The following ZNF708 variants were observed in gnomAD, a reference collection of about 807,000 sequenced individuals.
ZNF708 encodes the protein ZNF15, ZNF15L1.
ZNF708 carries 44 observed loss-of-function variants against 47.0 expected under a neutral mutation model. The observed-to-expected ratio is 0.94, with a 90% CI of 0.74 to 1.20. The LOEUF is 1.20. ZNF708 is among the 50% of genes most tolerant of loss of function. The pLI is 0.00. For missense variants in ZNF708, 557 were observed against 656.0 expected, an observed-to-expected ratio of 0.85 and a Z score of 1.65; for synonymous variants, 184 against 218.5, an observed-to-expected ratio of 0.84 and a Z score of 1.39.
At chr19:21,302,979 T>C (rs868538568) in intron 3 of ZNF708, among the ~76,000 whole-genome samples, 1 of 151,994 alleles carries the variant, frequency 6.6e-6, no homozygotes, top group African/African-American at 2.4e-5. Context: ...AACTACTTAA[T>C]AGAAAGAAAC....
At chr19:21,295,263 C>T (rs1483205149) in intron 3 of ZNF708, among the ~76,000 whole-genome samples, 1 of 151,678 alleles carries the variant, frequency 6.6e-6, no homozygotes, top group Admixed American at 6.6e-5. Context: ...GACTGCAGTA[C>T]CACATACAGG....
Position 21,305,057 on chromosome 19 carries a change from C to T in ZNF708, c.226+4189G>A, listed in dbSNP as rs534616061. On this transcript the variant is annotated intron_variant, in intron 3 of 3. Coordinates refer to ENST00000356929, the MANE Select transcript of ZNF708 (RefSeq NM_021269.3). Reference sequence around the variant, plus strand: ...GATGGAGTCTCGCTCTGTTGCCAGGCTGGAGTGCAATAGTGTGATCTCGGC... The same window carrying T: ...GATGGAGTCTCGCTCTGTTGCCAGGTTGGAGTGCAATAGTGTGATCTCGGC... Among the ~76,000 whole-genome samples, 16 of 151,850 alleles carry T rather than the reference C, an allele frequency of 1.1e-4. 1 individual carries two copies. The highest frequency in any genetic ancestry group is 3.4e-3 in the Middle Eastern group (1 of 294).
In ZNF708 at chr19:21,293,419, G is replaced by T; in HGVS notation, c.1547C>A (p.Ser516Tyr). Residue 516 changes from serine (S) to tyrosine (Y), a missense_variant, in exon 4 of 4, where the codon TCC (serine) becomes TAC (tyrosine). By Grantham distance (144) the Ser-to-Tyr change is moderately radical. Coordinates refer to ENST00000356929, the MANE Select transcript of ZNF708 (RefSeq NM_021269.3). Reference sequence around the variant, plus strand: ...TATCTTATGTTTCATAAGGGTTGAGGACTGGTTAAAAGCTTTGCCACATTC... The same window carrying T: ...TATCTTATGTTTCATAAGGGTTGAGTACTGGTTAAAAGCTTTGCCACATTC... ...CKECGKAFNQ[S>Y]STLMKHKIIH... 1 of 1,612,918 alleles carries T rather than the reference G, an allele frequency of 6.2e-7. No individual in the cohort carries two copies. Among genetic ancestry groups the T allele is most frequent in the East Asian group, 2.2e-5 (1 of 44,698 alleles).
intron 1 of ZNF708, among the ~76,000 whole-genome samples, chr19:21,327,544 A>AG (rs1481686918): frequency 6.6e-6 from 1 of 151,250 alleles, no homozygotes; most frequent in Admixed American, 6.6e-5. Context: ...AAAAAAAAAA[A>AG]AAAGAAAAGA....
At chr19:21,313,694 G>T (rs915683846) in intron 1 of ZNF708, among the ~76,000 whole-genome samples, 1 of 150,794 alleles carries the variant, frequency 6.6e-6, no homozygotes, top group African/African-American at 2.4e-5. Flanking sequence ...GGAGGTGGAG[G>T]TTGCAGTGAG....
At chr19:21,328,931 T>C (rs1382041646) in intron 1 of ZNF708, among the ~76,000 whole-genome samples, 2 of 152,128 alleles carry the variant, frequency 1.3e-5, no homozygotes, top group Non-Finnish European at 2.9e-5. Flanking sequence ...CCCTGCACAA[T>C]CTGGGAGAGG....
intron 1 of ZNF708, among the ~76,000 whole-genome samples, chr19:21,322,679 C>G (rs1263877463): frequency 1.3e-5 from 2 of 152,252 alleles, no homozygotes; most frequent in African/African-American, 4.8e-5. Context: ...GGCAGTGTGA[C>G]AGCCTGTGTA....
In ZNF708 at chr19:21,293,817, C is replaced by G; in HGVS notation, c.1149G>C (p.Lys383Asn). 1 of 1,612,858 alleles carries G rather than the reference C, an allele frequency of 6.2e-7. No individual in the cohort carries two copies. The highest frequency in any genetic ancestry group is 1.1e-5 in the South Asian group (1 of 91,014). The stretch of plus-strand genomic sequence containing the variant: ...AGGGTTTCTCTCCAGTATGAATTAC[C>G]TTATGATTAGTAAGGTGTGAGGACC... ...FNRSSHLTNH[K>N]VIHTGEKPYK... The change falls in exon 4 of 4, where the codon AAG becomes AAC. Residue 383 changes from lysine (K) to asparagine (N), a missense_variant. Coordinates refer to ENST00000356929, the MANE Select transcript of ZNF708 (RefSeq NM_021269.3).
At chr19:21,298,130 AG>A (rs1426801533) in intron 3 of ZNF708, among the ~76,000 whole-genome samples, 1 of 152,202 alleles carries the variant, frequency 6.6e-6, no homozygotes, top group Non-Finnish European at 1.5e-5. Context: ...AAATAAAACA[AG>A]ATGGAATATT....
chr19:21,294,648 A>G lies in ZNF708; in HGVS notation c.318T>C (p.Cys106=), dbSNP rs1411686787. 2.5e-6 allele frequency: 4 copies of G among 1,613,956 alleles called. No homozygotes were observed. The highest frequency in any genetic ancestry group is 3.4e-6 in the Non-Finnish European group (4 of 1,179,976). Reference sequence around the variant, plus strand: ...CACTTTTACAGCCTTTCTGATATCCACATTTTCCATATCTTCTCAGTATCA... The same window carrying G: ...CACTTTTACAGCCTTTCTGATATCCGCATTTTCCATATCTTCTCAGTATCA... ...QQVILRRYGK[C]GYQKGCKSVD... The change falls in exon 4 of 4, where the codon TGT becomes TGC. Residue 106 remains cysteine (C), a synonymous_variant. Coordinates refer to ENST00000356929, the MANE Select transcript of ZNF708 (RefSeq NM_021269.3).
At chr19:21,295,038 C>G (rs760563329) in intron 3 of ZNF708, among the ~76,000 whole-genome samples, 1 of 152,182 alleles carries the variant, frequency 6.6e-6, no homozygotes, top group African/African-American at 2.4e-5. Context: ...CCCAATATAA[C>G]ATAGCGCCTT....
chr19:21,299,466 T>C (rs1390758846), intron 3 of ZNF708, among the ~76,000 whole-genome samples: 1 of 151,936 alleles, frequency 6.6e-6, no homozygotes, highest in Non-Finnish European at 1.5e-5. Flanking sequence ...TAAAAATCTT[T>C]TAGGTGAGGC....
At chr19:21,307,220 T>C (rs1363547422) in intron 3 of ZNF708, among the ~76,000 whole-genome samples, 1 of 151,560 alleles carries the variant, frequency 6.6e-6, no homozygotes, top group Non-Finnish European at 1.5e-5. Context: ...TCCAAGCCCC[T>C]TGTAACCAGC....
rs1267834541 is a variant in ZNF708, at chr19:21,310,591, A to G, written c.40T>C (p.Ser14Pro). 6.4e-6 allele frequency: 10 copies of G among 1,550,962 alleles called. No homozygotes were observed. Among genetic ancestry groups the G allele is most frequent in the Non-Finnish European group, 8.7e-6 (10 of 1,147,748 alleles). ...LTFMDVAIEF[S>P]LEEWQCLDTA... ...TCCAGGCACTGCCACTCCTCCAGAG[A>G]GAATTCTATGGCCACATCCATAAAT... The change falls in exon 2 of 4, where the codon TCT becomes CCT. Residue 14 changes from serine to proline, a missense_variant. By Grantham distance (74) the Ser-to-Pro change is moderately conservative. Coordinates refer to ENST00000356929, the MANE Select transcript of ZNF708 (RefSeq NM_021269.3).
At chr19:21,315,290 A>T (rs1428955724) in intron 1 of ZNF708, among the ~76,000 whole-genome samples, 1 of 152,214 alleles carries the variant, frequency 6.6e-6, no homozygotes, top group Non-Finnish European at 1.5e-5. Flanking sequence ...CTATGTTGAC[A>T]TCTCACAGTG....
At chr19:21,310,086 C>T (rs1972865353) in intron 2 of ZNF708, among the ~76,000 whole-genome samples, 1 of 151,834 alleles carries the variant, frequency 6.6e-6, no homozygotes, top group Non-Finnish European at 1.5e-5. Flanking sequence ...GCATAAATTG[C>T]CAAAAAAACA....
intron 1 of ZNF708, among the ~76,000 whole-genome samples, chr19:21,319,407 T>G (rs916548475): frequency 3.9e-5 from 6 of 152,254 alleles, no homozygotes; most frequent in African/African-American, 1.4e-4. Context: ...TTGCTAAATT[T>G]ACTCCTATCA....
intron 1 of ZNF708, among the ~76,000 whole-genome samples, chr19:21,320,830 G>C (rs1487672078): frequency 6.7e-6 from 1 of 149,708 alleles, no homozygotes; most frequent in African/African-American, 2.5e-5. Flanking sequence ...TAGAGCTGGA[G>C]ACCATTATTG....
chr19:21,297,322 C>T (rs1972559590), intron 3 of ZNF708, among the ~76,000 whole-genome samples: 1 of 117,174 alleles, frequency 8.5e-6, no homozygotes, highest in African/African-American at 3.2e-5. Flanking sequence ...CACTCTGTCG[C>T]CCAGGCTGGC....
Sources: allele counts gnomAD v4.1 joint callset (sites outside exome capture counted in the v4.1 genomes callset), GRCh38; gene constraint gnomAD v4.1.1; transcripts MANE v1.5; gene names NCBI Gene and HGNC (gene_info 2026-07-23, HGNC 2026-07-21).